Variants in DGKI observed in about 807,000 individuals in gnomAD.
DGKI encodes diacylglycerol kinase iota, also known as DAG kinase iota.
A neutral mutation model predicts 147.5 loss-of-function variants in DGKI; 55 were observed. That is an observed-to-expected ratio of 0.37 (90% CI 0.30 to 0.47). DGKI has a LOEUF of 0.47. Ranked by LOEUF, DGKI falls within the 20% of genes least tolerant of loss-of-function variation. The probability of loss-of-function intolerance (pLI) is 1.00; values close to 1 mark genes in which losing one functional copy is unlikely to be tolerated. For missense variants in DGKI, 1,007 were observed against 1,323.8 expected, an observed-to-expected ratio of 0.76 and a Z score of 3.71; for synonymous variants, 469 against 477.1, an observed-to-expected ratio of 0.98 and a Z score of 0.22.
chr7:137,654,876 T>C, intron 4 of DGKI, 88 bp from the exon 5 acceptor site: 2 of 813,236 alleles, frequency 2.5e-6, no homozygotes. Context: ...CAGTGACAGA[T>C]ATTGAGACTG....
intron 1 of DGKI, among the ~76,000 whole-genome samples, chr7:137,844,157 C>T (rs1406860302): frequency 9.9e-5 from 15 of 152,186 alleles, no homozygotes; most frequent in Admixed American, 9.8e-4. Flanking sequence ...TGCAGGAGTC[C>T]AGCACCAATG....
intron 19 of DGKI, among the ~76,000 whole-genome samples, chr7:137,560,898 G>A: frequency 6.6e-6 from 1 of 152,266 alleles, no homozygotes; most frequent in East Asian, 1.9e-4. Flanking sequence ...ATAAATGTAT[G>A]TTGTCTTAAG....
chr7:137,647,351 C>A (rs760316258), intron 5 of DGKI, among the ~76,000 whole-genome samples: 2 of 152,076 alleles, frequency 1.3e-5, no homozygotes, highest in Non-Finnish European at 2.9e-5. Flanking sequence ...CATTAGAGAC[C>A]ACTTCTACCT....
In DGKI at chr7:137,382,444, T is replaced by TG. The variant is rs1476992479; in HGVS notation, c.*8775dup. On this transcript the variant is annotated 3_prime_UTR_variant, in exon 33 of 33. Coordinates refer to ENST00000614521, the MANE Select transcript of DGKI (RefSeq NM_001321708.2). The stretch of plus-strand genomic sequence containing the variant: ...TCCTTCCAAAAACCACCTCGTCCTT[T>TG]GGAAAGCTCCATTAAAAAGTTCTTC... 1 of 152,066 alleles carries TG rather than the reference T, an allele frequency of 6.6e-6. No individual in the cohort carries two copies. Among genetic ancestry groups the TG allele is most frequent in the Non-Finnish European group, 1.5e-5 (1 of 67,982 alleles). The allele number at this position is 152,066 out of a possible 1,614,324, so 9.4% of individuals were successfully genotyped here. A position where few individuals can be genotyped will look rare whatever the true frequency, so the allele number is the denominator to read the frequency against.
At chr7:137,677,532 AAG>A (rs967824596) in intron 3 of DGKI, among the ~76,000 whole-genome samples, 27 of 152,140 alleles carry the variant, frequency 1.8e-4, no homozygotes, top group Admixed American at 1.7e-3. Context: ...AGCAACAAAA[AAG>A]GTCTTGGTTC....
At chr7:137,548,055 G>A (rs183242467) in intron 20 of DGKI, among the ~76,000 whole-genome samples, 29 of 152,262 alleles carry the variant, frequency 1.9e-4, no homozygotes, top group Admixed American at 3.3e-4. Flanking sequence ...GCAAAGCTAA[G>A]GAACACAGGC....
intron 11 of DGKI, 128 bp from the exon 12 acceptor site, chr7:137,598,035 A>G: frequency 1.3e-6 from 1 of 753,130 alleles, no homozygotes; most frequent in Non-Finnish European, 2.2e-6. Context: ...CATGAGGATG[A>G]CAATGCTATC....
At chr7:137,426,511 C>G (rs922703179) in intron 28 of DGKI, among the ~76,000 whole-genome samples, 1 of 152,090 alleles carries the variant, frequency 6.6e-6, no homozygotes, top group Non-Finnish European at 1.5e-5. Context: ...AAATAACCAG[C>G]TAACATCATA....
chr7:137,661,361 G>A (rs1213100610), intron 3 of DGKI, among the ~76,000 whole-genome samples: 1 of 152,144 alleles, frequency 6.6e-6, no homozygotes, highest in Non-Finnish European at 1.5e-5. Flanking sequence ...CAGACGTAAT[G>A]CAAGGAATCA....
rs1343017249 is a variant in DGKI, at chr7:137,387,030, A to G, written c.*4190T>C. The G allele has an allele frequency of 1.3e-5, 2 of 152,066 alleles. No individual in the cohort carries two copies. Among genetic ancestry groups the G allele is most frequent in the Non-Finnish European group, 2.9e-5 (2 of 67,994 alleles). 9.4% of individuals were successfully genotyped at this position (152,066 alleles called of 1,614,324 possible). A position where few individuals can be genotyped will look rare whatever the true frequency, so the allele number is the denominator to read the frequency against. On this transcript the variant is annotated 3_prime_UTR_variant, in exon 33 of 33. Coordinates refer to ENST00000614521, the MANE Select transcript of DGKI (RefSeq NM_001321708.2). ...TGAATAAAATATGCTGTTCTCAGTGATTTCATTAGCTACTCCTTCTGGAAG... is the reference window on the plus strand; with the variant it reads ...TGAATAAAATATGCTGTTCTCAGTGGTTTCATTAGCTACTCCTTCTGGAAG...
chr7:137,467,526 T>C lies in DGKI; in HGVS notation c.2444-584A>G, dbSNP rs138113196. Among the ~76,000 whole-genome samples, 1,143 of 152,308 alleles carry C rather than the reference T, an allele frequency of 7.5e-3. 19 individuals are homozygous for C. The highest frequency in any genetic ancestry group is 0.026 in the African/African-American group (1,100 of 41,566). Reference sequence around the variant, plus strand: ...GCTTGAAGATTCAGGCCAGAGACCATATGTGGTCTTAAATGAATCATTTCA... The same window carrying C: ...GCTTGAAGATTCAGGCCAGAGACCACATGTGGTCTTAAATGAATCATTTCA... On this transcript the variant is annotated intron_variant, in intron 24 of 32. Coordinates refer to ENST00000614521, the MANE Select transcript of DGKI (RefSeq NM_001321708.2).
At position 137,386,576 on chromosome 7, in the gene DGKI, G is replaced by C. The variant is rs1811182670; in HGVS notation, c.*4644C>G. On this transcript the variant is annotated 3_prime_UTR_variant, in exon 33 of 33. Transcript: ENST00000614521. ...ATGTATTTTGAGCATAATATCTGGG[G>C]AAGATTTTTGCAACTGCGTGACAAA... 1 of 152,104 alleles carries C rather than the reference G, an allele frequency of 6.6e-6. No homozygotes were observed. Among genetic ancestry groups the C allele is most frequent in the South Asian group, 2.1e-4 (1 of 4,828 alleles). The allele number at this position is 152,104 out of a possible 1,614,324, so 9.4% of individuals were successfully genotyped here.
chr7:137,753,007 A>T (rs1374310539), intron 1 of DGKI, among the ~76,000 whole-genome samples: 1 of 151,296 alleles, frequency 6.6e-6, no homozygotes, highest in Non-Finnish European at 1.5e-5. Context: ...ACAAACATAC[A>T]CGTGTTACTA....
At chr7:137,685,372 T>C (rs1034942493) in intron 2 of DGKI, among the ~76,000 whole-genome samples, 4 of 152,146 alleles carry the variant, frequency 2.6e-5, no homozygotes, top group Non-Finnish European at 5.9e-5. Flanking sequence ...GGCAGTGTAA[T>C]GGGCAAAAAC....
intron 26 of DGKI, among the ~76,000 whole-genome samples, chr7:137,464,287 A>G (rs1254911130): frequency 6.6e-6 from 1 of 151,736 alleles, no homozygotes; most frequent in Non-Finnish European, 1.5e-5. Flanking sequence ...AAGGAAAAGA[A>G]AAAGAAAATG....
chr7:137,589,375 G>A (rs888153928), intron 12 of DGKI, among the ~76,000 whole-genome samples: 2 of 152,232 alleles, frequency 1.3e-5, no homozygotes, highest in African/African-American at 4.8e-5. Flanking sequence ...TTCACCCAAT[G>A]TGGTAACTAA....
intron 1 of DGKI, among the ~76,000 whole-genome samples, chr7:137,778,231 A>G (rs1796416391): frequency 6.6e-6 from 1 of 152,208 alleles, no homozygotes; most frequent in Non-Finnish European, 1.5e-5. Context: ...TACAAAGAAC[A>G]TAGAGGCATT....
intron 7 of DGKI, among the ~76,000 whole-genome samples, chr7:137,620,810 T>C (rs532654266): frequency 2.0e-5 from 3 of 152,350 alleles, no homozygotes; most frequent in East Asian, 3.9e-4. Flanking sequence ...ATAACATTTA[T>C]TTTTCTGAAA....
At chr7:137,606,886 T>A (rs932873163) in intron 10 of DGKI, among the ~76,000 whole-genome samples, 8 of 152,180 alleles carry the variant, frequency 5.3e-5, no homozygotes, top group African/African-American at 1.9e-4. Context: ...ATACAATTAT[T>A]TAACTATGTG....
Sources: allele counts gnomAD v4.1 joint callset (sites outside exome capture counted in the v4.1 genomes callset), GRCh38; gene constraint gnomAD v4.1.1; transcripts MANE v1.5; gene names NCBI Gene and HGNC (gene_info 2026-07-23, HGNC 2026-07-21).